RABEP1: variants seen among roughly 807,000 people sequenced by gnomAD.
RABEP1 encodes the protein rabaptin, RAB GTPase binding effector protein 1.
Under a neutral mutation model 123.4 loss-of-function variants are expected in RABEP1, and 51 were observed. The ratio of observed to expected loss-of-function variants is 0.41; its 90% confidence interval spans 0.33 to 0.52. The LOEUF is 0.52. RABEP1 is among the 20% of genes least tolerant of loss of function. The pLI, the probability that RABEP1 is intolerant of heterozygous loss-of-function variation, is 0.16. For missense variants in RABEP1, 888 were observed against 996.3 expected, an observed-to-expected ratio of 0.89 and a Z score of 1.46; for synonymous variants, 347 against 355.2, an observed-to-expected ratio of 0.98 and a Z score of 0.26.
At chr17:5,306,618 ACT>A (rs1380395817) in intron 1 of RABEP1, among the ~76,000 whole-genome samples, 4 of 131,460 alleles carry the variant, frequency 3.0e-5, no homozygotes, top group East Asian at 2.5e-4. Context: ...ACAGAGTGAG[ACT>A]CTGTCTGAAA....
At chr17:5,303,310 T>C (rs554290955) in intron 1 of RABEP1, among the ~76,000 whole-genome samples, 10 of 152,256 alleles carry the variant, frequency 6.6e-5, no homozygotes, top group African/African-American at 2.4e-4. Flanking sequence ...GGTGCGATCT[T>C]GGCTCACTGC....
chr17:5,327,259 A>G (rs963478329), intron 2 of RABEP1, among the ~76,000 whole-genome samples: 3 of 151,968 alleles, frequency 2.0e-5, no homozygotes, highest in African/African-American at 7.3e-5. Flanking sequence ...GAGGCAGGAG[A>G]ATCGCTTGAA....
chr17:5,300,560 A>G (rs2075127316), intron 1 of RABEP1, among the ~76,000 whole-genome samples: 1 of 152,148 alleles, frequency 6.6e-6, no homozygotes, highest in African/African-American at 2.4e-5. Context: ...TTGAGAAGGA[A>G]GTCAGTATGT....
chr17:5,383,418 GA>G lies in RABEP1; in HGVS notation c.*196del, dbSNP rs1303953670. ...ACAGTGGGGTGATCTGCAGCCCAGA[GA>G]CCTTCAAATGCGAACACTATAAACT... On this transcript the variant is annotated 3_prime_UTR_variant, in exon 18 of 18. Coordinates refer to ENST00000537505, the MANE Select transcript of RABEP1 (RefSeq NM_004703.6). 6 of 563,514 alleles carry G rather than the reference GA, an allele frequency of 1.1e-5. No individual in the cohort carries two copies. In the East Asian group the frequency reaches 1.8e-4, roughly 17 times the overall value. The allele number at this position is 563,514 out of a possible 1,614,324, so 34.9% of individuals were successfully genotyped here. A position where few individuals can be genotyped will look rare whatever the true frequency, so the allele number is the denominator to read the frequency against.
intron 7 of RABEP1, among the ~76,000 whole-genome samples, chr17:5,353,360 T>C (rs965537414): frequency 6.6e-6 from 1 of 152,228 alleles, no homozygotes; most frequent in Non-Finnish European, 1.5e-5. Context: ...AGTCATTGTT[T>C]TTCTCCTTCT....
At chr17:5,339,568 T>C (rs1228393046) in intron 5 of RABEP1, among the ~76,000 whole-genome samples, 1 of 151,564 alleles carries the variant, frequency 6.6e-6, no homozygotes, top group Non-Finnish European at 1.5e-5. Context: ...GAGGCTGAGG[T>C]GGGTGGATCA....
chr17:5,335,964 C>T (rs978784725), intron 4 of RABEP1, among the ~76,000 whole-genome samples: 1 of 151,858 alleles, frequency 6.6e-6, no homozygotes, highest in Non-Finnish European at 1.5e-5. Flanking sequence ...TTCTCGGTAT[C>T]CTTTGGTTTC....
intron 2 of RABEP1, among the ~76,000 whole-genome samples, chr17:5,322,313 G>A (rs1358454514): frequency 1.3e-5 from 2 of 152,060 alleles, no homozygotes; most frequent in African/African-American, 4.8e-5. Context: ...AGCTATGATT[G>A]TGCCACTCTG....
At chr17:5,305,290 A>G (rs993626767) in intron 1 of RABEP1, among the ~76,000 whole-genome samples, 8 of 152,302 alleles carry the variant, frequency 5.3e-5, no homozygotes, top group Non-Finnish European at 8.8e-5. Context: ...AAAATAAAAT[A>G]AGACAATTAC....
chr17:5,342,255 G>A (rs1335607482), intron 5 of RABEP1, among the ~76,000 whole-genome samples: 1 of 152,228 alleles, frequency 6.6e-6, no homozygotes, highest in Non-Finnish European at 1.5e-5. Context: ...AAACTAGTTA[G>A]CTACCAATAT....
chr17:5,340,639 TAA>T (rs57830996), intron 5 of RABEP1, among the ~76,000 whole-genome samples: 6 of 142,780 alleles, frequency 4.2e-5, no homozygotes, highest in Non-Finnish European at 4.6e-5. Flanking sequence ...GCCAGATCTT[TAA>T]AAAAAAAAAA....
At chr17:5,378,538 A>G (rs1347430924) in intron 15 of RABEP1, 3 of 393,092 alleles carry the variant, frequency 7.6e-6, no homozygotes, top group Non-Finnish European at 1.4e-5. Context: ...GGTACAGTAG[A>G]AATATGTATA....
At chr17:5,351,613 T>C (rs1380909558) in intron 7 of RABEP1, among the ~76,000 whole-genome samples, 5 of 152,132 alleles carry the variant, frequency 3.3e-5, no homozygotes, top group Non-Finnish European at 2.9e-5. Context: ...CTGGGCCATA[T>C]AGTGAGACTC....
intron 6 of RABEP1, 63 bp downstream of exon 6, chr17:5,346,988 C>A: frequency 7.9e-7 from 1 of 1,261,940 alleles, no homozygotes; most frequent in Admixed American, 2.7e-5. Flanking sequence ...TTGATGTTGA[C>A]TAATAACAGT....
intron 2 of RABEP1, 113 bp downstream of exon 2, chr17:5,308,935 T>C (rs1264133356): frequency 2.7e-5 from 30 of 1,102,282 alleles, no homozygotes; most frequent in Non-Finnish European, 3.7e-5. Flanking sequence ...TATTTGTACT[T>C]GCATAATAAA....
At chr17:5,357,713 T>C (rs1207645370) in intron 8 of RABEP1, among the ~76,000 whole-genome samples, 2 of 152,098 alleles carry the variant, frequency 1.3e-5, no homozygotes. Flanking sequence ...AGTGATGACA[T>C]AGGGAGTTCA....
chr17:5,309,665 A>AG (rs1191989011), intron 2 of RABEP1, among the ~76,000 whole-genome samples: 3 of 151,998 alleles, frequency 2.0e-5, no homozygotes, highest in African/African-American at 7.2e-5. Flanking sequence ...AAAAAAAAAA[A>AG]AAAAAGAAAA....
chr17:5,333,158 T>C (rs1441954922), intron 3 of RABEP1, among the ~76,000 whole-genome samples: 1 of 152,102 alleles, frequency 6.6e-6, no homozygotes, highest in Non-Finnish European at 1.5e-5. Context: ...TTAGTTAATA[T>C]TCTATTTTAT....
At position 5,284,686 on chromosome 17, in the gene RABEP1, A is replaced by G. The variant is rs186116823; in HGVS notation, c.34+2166A>G. ...TTGCCATGTTGCCTAGGCTGGTCCCAAACTCCTGAACTCAAGGGATCCACC... is the reference window on the plus strand; with the variant it reads ...TTGCCATGTTGCCTAGGCTGGTCCCGAACTCCTGAACTCAAGGGATCCACC... On this transcript the variant is annotated intron_variant, in intron 1 of 17. Transcript: ENST00000537505. Among the ~76,000 whole-genome samples the G allele has an allele frequency of 3.2e-4, 48 of 152,130 alleles. No homozygotes were observed. The East Asian group carries it at 8.3e-3, about 26-fold the overall frequency.
Sources: gnomAD v4.1 joint callset for allele counts (sites outside exome capture counted in the v4.1 genomes callset) on GRCh38, gnomAD v4.1.1 for gene constraint, MANE v1.5 for transcripts, NCBI Gene and HGNC (gene_info 2026-07-23, HGNC 2026-07-21) for gene names.